TMEM132D: variants seen among roughly 807,000 people sequenced by gnomAD.
TMEM132D encodes mature OL transmembrane protein.
TMEM132D carries 21 observed loss-of-function variants against 62.3 expected under a neutral mutation model. That is an observed-to-expected ratio of 0.34 (90% CI 0.24 to 0.49). TMEM132D has a LOEUF of 0.49. Ranked by LOEUF, TMEM132D falls within the 20% of genes least tolerant of loss-of-function variation. The pLI is 0.99. For synonymous variants in TMEM132D, 621 were observed against 575.6 expected, an observed-to-expected ratio of 1.08 and a Z score of -1.13; for missense variants, 1,346 against 1,402.8, an observed-to-expected ratio of 0.96 and a Z score of 0.65.
intron 2 of TMEM132D, among the ~76,000 whole-genome samples, chr12:129,683,622 T>C (rs766280857): frequency 1.3e-5 from 2 of 152,132 alleles, no homozygotes; most frequent in African/African-American, 2.4e-5. Flanking sequence ...CCCATGAGTG[T>C]CTACATGGAC....
chr12:129,271,953 A>G (rs1185395725), intron 4 of TMEM132D, among the ~76,000 whole-genome samples: 2 of 151,810 alleles, frequency 1.3e-5, no homozygotes, highest in Non-Finnish European at 2.9e-5. Flanking sequence ...GTTAAACAGT[A>G]TTTCTGGTTC....
chr12:129,589,496 G>A (rs1184590343), intron 2 of TMEM132D, among the ~76,000 whole-genome samples: 4 of 152,152 alleles, frequency 2.6e-5, no homozygotes, highest in Non-Finnish European at 4.4e-5. Context: ...AAGGACAAAC[G>A]ATTCAAGTAT....
At chr12:129,616,465 G>A (rs1878920285) in intron 2 of TMEM132D, among the ~76,000 whole-genome samples, 1 of 152,062 alleles carries the variant, frequency 6.6e-6, no homozygotes, top group African/African-American at 2.4e-5. Flanking sequence ...GATATGGTTT[G>A]GCTGTGTTCC....
At position 129,124,124 on chromosome 12, in the gene TMEM132D, T is replaced by C. The variant is rs1593268924; in HGVS notation, c.1444-39422A>G. Among the ~76,000 whole-genome samples the C allele has an allele frequency of 5.3e-5, 8 of 152,182 alleles. 1 individual carries two copies. The South Asian group carries it at 1.7e-3, about 32-fold the overall frequency. On this transcript the variant is annotated intron_variant, in intron 5 of 8. Transcript: ENST00000422113. ...AGCCTCATGGTGAGTTTTCCACAAA[T>C]TGTTAAACTTTCTGCAGATTTACAG...
At chr12:129,785,679 G>A (rs1367455559) in intron 1 of TMEM132D, among the ~76,000 whole-genome samples, 2 of 152,176 alleles carry the variant, frequency 1.3e-5, no homozygotes, top group African/African-American at 4.8e-5. Flanking sequence ...AACCCTTCTG[G>A]TGCCTAGATC....
chr12:129,367,621 C>A (rs11060276), intron 3 of TMEM132D, among the ~76,000 whole-genome samples: 1 of 151,898 alleles, frequency 6.6e-6, no homozygotes. Flanking sequence ...GCCATCTCCG[C>A]GGCCAAGAGG....
intron 2 of TMEM132D, among the ~76,000 whole-genome samples, chr12:129,604,949 G>C (rs1878575620): frequency 6.6e-6 from 1 of 152,100 alleles, no homozygotes; most frequent in South Asian, 2.1e-4. Flanking sequence ...GTGAACAAGA[G>C]GAGATGCAAG....
intron 1 of TMEM132D, among the ~76,000 whole-genome samples, chr12:129,757,539 C>T (rs1037716684): frequency 2.6e-5 from 4 of 152,136 alleles, no homozygotes; most frequent in Admixed American, 1.3e-4. Flanking sequence ...GATAACTTCC[C>T]AAACTTCACG....
chr12:129,415,867 G>A (rs182993039), intron 3 of TMEM132D, among the ~76,000 whole-genome samples: 1 of 152,122 alleles, frequency 6.6e-6, no homozygotes, highest in Non-Finnish European at 1.5e-5. Context: ...ACCAGAGCCT[G>A]GTTCTCCTTT....
chr12:129,230,141 G>C (rs4759610), intron 4 of TMEM132D, among the ~76,000 whole-genome samples: 30,621 of 152,208 alleles, frequency 0.2, 3,283 homozygotes, highest in Middle Eastern at 0.23. Flanking sequence ...TTCATAACCT[G>C]CTGACCAAGG....
At chr12:129,096,453 G>A (rs547554091) in intron 5 of TMEM132D, among the ~76,000 whole-genome samples, 2 of 152,324 alleles carry the variant, frequency 1.3e-5, no homozygotes, top group South Asian at 2.1e-4. Flanking sequence ...CCAACTCACC[G>A]GAGGGGTCTG....
chr12:129,451,803 C>A (rs1873295313), intron 3 of TMEM132D, among the ~76,000 whole-genome samples: 1 of 152,132 alleles, frequency 6.6e-6, no homozygotes, highest in African/African-American at 2.4e-5. Flanking sequence ...TGAAAACTAT[C>A]CCTCTAGAAG....
chr12:129,583,392 T>C (rs190785559), intron 2 of TMEM132D, among the ~76,000 whole-genome samples: 14 of 152,296 alleles, frequency 9.2e-5, no homozygotes, highest in Admixed American at 8.5e-4. Flanking sequence ...TTTAGGATGA[T>C]AAAATGTTTC....
At position 129,807,743 on chromosome 12, in the gene TMEM132D, G is replaced by A. The variant is rs555206683; in HGVS notation, c.79+95518C>T. Among the ~76,000 whole-genome samples the A allele has an allele frequency of 6.6e-5, 10 of 152,284 alleles. No homozygotes were observed. The South Asian group carries it at 2.1e-3, about 32-fold the overall frequency. On this transcript the variant is annotated intron_variant, in intron 1 of 8. Transcript: ENST00000422113. Reference sequence around the variant, plus strand: ...CTGATTAGGTTCGGCCAATCTAGATGGAAATAGCCCCATTTGGTTGAAGTC... The same window carrying A: ...CTGATTAGGTTCGGCCAATCTAGATAGAAATAGCCCCATTTGGTTGAAGTC...
intron 1 of TMEM132D, among the ~76,000 whole-genome samples, chr12:129,767,673 T>C (rs1870595915): frequency 6.6e-6 from 1 of 152,170 alleles, no homozygotes; most frequent in Non-Finnish European, 1.5e-5. Flanking sequence ...GTGTCAGAGT[T>C]TTTGTTTTTA....
At chr12:129,863,065 T>C (rs1451745935) in intron 1 of TMEM132D, among the ~76,000 whole-genome samples, 1 of 152,124 alleles carries the variant, frequency 6.6e-6, no homozygotes, top group East Asian at 1.9e-4. Context: ...TTGAAAATTG[T>C]GGAGGAGCTT....
At chr12:129,388,009 T>C (rs11060304) in intron 3 of TMEM132D, among the ~76,000 whole-genome samples, 144 of 33,620 alleles carry the variant, frequency 4.3e-3, no homozygotes, top group Middle Eastern at 0.017. Flanking sequence ...AACACCGACA[T>C]CAATACTAAC....
intron 4 of TMEM132D, among the ~76,000 whole-genome samples, chr12:129,298,790 T>C (rs901432413): frequency 6.6e-6 from 1 of 152,212 alleles, no homozygotes; most frequent in Non-Finnish European, 1.5e-5. Flanking sequence ...GGCCCATCTA[T>C]AGAGAGCCAA....
At chr12:129,882,870 ACTT>A (rs1454522865) in intron 1 of TMEM132D, among the ~76,000 whole-genome samples, 1 of 152,216 alleles carries the variant, frequency 6.6e-6, no homozygotes, top group Non-Finnish European at 1.5e-5. Context: ...ACAGAGCAGA[ACTT>A]CTTCATTTTC....
Sources: gnomAD v4.1 joint callset for allele counts (sites outside exome capture counted in the v4.1 genomes callset) on GRCh38, gnomAD v4.1.1 for gene constraint, MANE v1.5 for transcripts, NCBI Gene and HGNC (gene_info 2026-07-23, HGNC 2026-07-21) for gene names.